Variants in PRR5 observed in about 807,000 individuals in gnomAD.
The protein encoded by PRR5 is proline rich 5.
A neutral mutation model predicts 30.6 loss-of-function variants in PRR5; 25 were observed. The observed-to-expected ratio is 0.82, with a 90% CI of 0.60 to 1.14. The LOEUF (loss-of-function observed/expected upper bound fraction) is 1.14, where lower values mean the gene tolerates loss of function less well. PRR5 is among the 50% of genes most tolerant of loss of function. The pLI is 0.00. For missense variants in PRR5, 600 were observed against 547.1 expected (o/e 1.10, Z -0.96); for synonymous variants, 286 against 247.1 (o/e 1.16, Z -1.48).
At chr22:44,688,413 C>T (rs1024168774) in intron 1 of PRR5, among the ~76,000 whole-genome samples, 1 of 152,106 alleles carries the variant, frequency 6.6e-6, no homozygotes, top group African/African-American at 2.4e-5. Context: ...TGCAATGTTA[C>T]TATTATACTA....
chr22:44,735,065 G>A lies in PRR5; in HGVS notation c.594G>A (p.Leu198=), dbSNP rs370034610. Residue 198 remains leucine (L), a synonymous_variant, in exon 7 of 8, where the codon CTG becomes CTA. Coordinates refer to ENST00000336985, the MANE Select transcript of PRR5 (RefSeq NM_181333.4). The part of the protein sequence containing the change: ...HESRGVTEDY[L]RLETLVQKVV... ...CCAGGGGCGTGACTGAGGACTACCT[G>A]CGCCTGGAGACGCTGGTCCAGAAGG... The A allele has an allele frequency of 1.9e-5, 31 of 1,612,460 alleles. No homozygotes were observed. Among genetic ancestry groups the A allele is most frequent in the East Asian group, 4.5e-5 (2 of 44,860 alleles).
intron 1 of PRR5, among the ~76,000 whole-genome samples, chr22:44,703,773 T>C (rs1926751049): frequency 6.6e-6 from 1 of 152,122 alleles, no homozygotes; most frequent in African/African-American, 2.4e-5. Context: ...ATCCTAGCAC[T>C]TTGGGAGGCC....
intron 4 of PRR5, chr22:44,730,455 C>A (rs1192222552): frequency 1.0e-6 from 1 of 985,258 alleles, no homozygotes; most frequent in Non-Finnish European, 1.2e-6. Flanking sequence ...AAGGGTTCTT[C>A]ACGTTGCCTC....
At chr22:44,703,799 C>T (rs1446366164) in intron 1 of PRR5, among the ~76,000 whole-genome samples, 1 of 152,162 alleles carries the variant, frequency 6.6e-6, no homozygotes, top group Non-Finnish European at 1.5e-5. Context: ...GGGAGGATTA[C>T]TTGAGCCAGG....
At chr22:44,697,628 G>C (rs1180168075), upstream of PRR5, among the ~76,000 whole-genome samples, 1 of 152,052 alleles carries the variant, frequency 6.6e-6, no homozygotes, top group Non-Finnish European at 1.5e-5. Context: ...CAGTGCCTAG[G>C]AAAGCAGGCA....
At chr22:44,688,962 A>G (rs1289898620) in intron 1 of PRR5, among the ~76,000 whole-genome samples, 1 of 152,088 alleles carries the variant, frequency 6.6e-6, no homozygotes, top group Admixed American at 6.6e-5. Context: ...CACTCCAGCT[A>G]TTACATCTTA....
At chr22:44,714,812 CG>C (rs1206885869) in intron 2 of PRR5, 141 bp downstream of exon 2, 1 of 1,188,554 alleles carries the variant, frequency 8.4e-7, no homozygotes, top group Non-Finnish European at 1.2e-6. Context: ...AACAGGAGAG[CG>C]AGGCCCAAGT....
intron 6 of PRR5, among the ~76,000 whole-genome samples, chr22:44,733,015 GCACA>G (rs1922501146): frequency 2.6e-5 from 1 of 37,740 alleles, no homozygotes; most frequent in Non-Finnish European, 1.5e-4. Context: ...CTACACACGT[GCACA>G]TGCACATACA....
At chr22:44,680,373 G>GTGGGGA (rs1244365973) in intron 1 of PRR5, among the ~76,000 whole-genome samples, 1 of 152,150 alleles carries the variant, frequency 6.6e-6, no homozygotes, top group Non-Finnish European at 1.5e-5. Flanking sequence ...CCACCCTAAA[G>GTGGGGA]TGCACGTTTA....
upstream of PRR5, among the ~76,000 whole-genome samples, chr22:44,672,904 C>T (rs1348092904): frequency 6.6e-6 from 1 of 152,210 alleles, no homozygotes; most frequent in Non-Finnish European, 1.5e-5. Context: ...GGACTCAAAC[C>T]TGGGTCTGCA....
Position 44,729,750 on chromosome 22 carries a change from C to G in PRR5, c.323-1980C>G, listed in dbSNP as rs569884155. ...GCCTCTCGTCACCGTGTGGCTCCAG[C>G]TGGGGCCTGGATTCTGTTTTACAAC... On this transcript the variant is annotated intron_variant, in intron 4 of 7. Coordinates refer to ENST00000336985, the MANE Select transcript of PRR5 (RefSeq NM_181333.4). 6 of 985,380 alleles carry G rather than the reference C, an allele frequency of 6.1e-6. No individual in the cohort carries two copies. In the East Asian group the frequency reaches 6.8e-4, roughly 112 times the overall value. The allele number at this position is 985,380 out of a possible 1,614,324, so 61.0% of individuals were successfully genotyped here.
upstream of PRR5, among the ~76,000 whole-genome samples, chr22:44,675,096 A>C (rs1002519995): frequency 1.2e-4 from 18 of 147,660 alleles, no homozygotes; most frequent in African/African-American, 3.8e-4. Context: ...AAAATACAAA[A>C]AAAATTAGCC....
At chr22:44,683,689 C>T (rs867348471) in intron 1 of PRR5, among the ~76,000 whole-genome samples, 3 of 152,242 alleles carry the variant, frequency 2.0e-5, no homozygotes, top group South Asian at 2.1e-4. Flanking sequence ...ATCAGGTCCT[C>T]TGATTGGCCT....
chr22:44,672,716 C>G (rs136914), upstream of PRR5, among the ~76,000 whole-genome samples: 2 of 152,016 alleles, frequency 1.3e-5, no homozygotes, highest in African/African-American at 4.8e-5. Context: ...GCCTGCCATC[C>G]TCTGAGCTCC....
upstream of PRR5, among the ~76,000 whole-genome samples, chr22:44,673,019 C>T (rs1275366041): frequency 6.6e-6 from 1 of 152,256 alleles, no homozygotes; most frequent in South Asian, 2.1e-4. Flanking sequence ...AGCATGAGTC[C>T]TGCTCATTTT....
At chr22:44,722,917 A>G (rs1930153154) in intron 2 of PRR5, among the ~76,000 whole-genome samples, 1 of 152,124 alleles carries the variant, frequency 6.6e-6, no homozygotes, top group Admixed American at 6.5e-5. Flanking sequence ...AAATGACTAC[A>G]CATTGAAACT....
chr22:44,724,160 G>C (rs1047842760), intron 2 of PRR5, among the ~76,000 whole-genome samples: 12 of 152,204 alleles, frequency 7.9e-5, no homozygotes, highest in Admixed American at 5.9e-4. Context: ...CCTAGGCCGG[G>C]TGTGGTGGCT....
intron 2 of PRR5, among the ~76,000 whole-genome samples, chr22:44,718,192 CT>C (rs34868054): frequency 4.0e-4 from 38 of 94,580 alleles, no homozygotes; most frequent in African/African-American, 1.2e-3. Flanking sequence ...TTTCATCTCT[CT>C]TTTTTTTTTT....
At chr22:44,732,609 A>T (rs946836814) in intron 6 of PRR5, among the ~76,000 whole-genome samples, 1 of 152,164 alleles carries the variant, frequency 6.6e-6, no homozygotes, top group Non-Finnish European at 1.5e-5. Flanking sequence ...TCTTGGGCAC[A>T]GGGCTGGGCC....
Sources: allele counts gnomAD v4.1 joint callset (sites outside exome capture counted in the v4.1 genomes callset), GRCh38; gene constraint gnomAD v4.1.1; transcripts MANE v1.5; gene names NCBI Gene and HGNC (gene_info 2026-07-23, HGNC 2026-07-21).